The following CEP57 variants were observed in gnomAD, a reference collection of about 807,000 sequenced individuals.
CEP57 encodes centrosomal protein 57, also known as centrosomal protein of 57 kDa.
CEP57 carries 40 observed loss-of-function variants against 68.0 expected under a neutral mutation model. The observed-to-expected ratio is 0.59, with a 90% CI of 0.46 to 0.77. The LOEUF (loss-of-function observed/expected upper bound fraction) is 0.77, where lower values mean the gene tolerates loss of function less well. CEP57 is among the 30% of genes least tolerant of loss of function. CEP57 has a pLI of 0.00. For synonymous variants in CEP57, 219 were observed against 198.7 expected (o/e 1.10, Z -0.86); for missense variants, 606 against 580.7 (o/e 1.04, Z -0.45).
At chr11:95,828,145 C>T (rs899846408) in intron 9 of CEP57, 118 bp downstream of exon 9, 2 of 1,203,554 alleles carry the variant, frequency 1.7e-6, no homozygotes, top group Admixed American at 2.5e-5. Context: ...TGAGCACAAT[C>T]CTTATACCAA....
intron 2 of CEP57, among the ~76,000 whole-genome samples, chr11:95,800,396 A>G (rs1227687529): frequency 7.2e-6 from 1 of 139,174 alleles, no homozygotes; most frequent in Admixed American, 7.1e-5. Flanking sequence ...TTTTTTTTTT[A>G]TTTTTTATTG....
intron 4 of CEP57, among the ~76,000 whole-genome samples, chr11:95,816,907 A>T: frequency 6.6e-6 from 1 of 151,736 alleles, no homozygotes. Flanking sequence ...GCTACTCAGG[A>T]GGCTCAGGCA....
intron 10 of CEP57, 119 bp downstream of exon 10, chr11:95,829,450 T>C (rs1267359176): frequency 9.6e-7 from 1 of 1,046,536 alleles, no homozygotes; most frequent in African/African-American, 1.6e-5. Flanking sequence ...GAGATACTTC[T>C]TTACTGAAGA....
Position 95,817,671 on chromosome 11 carries a change from A to G in CEP57, c.505-116A>G, listed in dbSNP as rs529855523. ...CCCCCTATGGTTTCATCTTAATGTT[A>G]TTTTCCTAGAAGTAGTTATGTGAAG... On this transcript the variant is annotated intron_variant, in intron 4 of 10. Coordinates refer to ENST00000325542, the MANE Select transcript of CEP57 (RefSeq NM_014679.5). 7.0e-5 allele frequency: 52 copies of G among 740,598 alleles called. No individual in the cohort carries two copies. The African/African-American group carries it at 8.7e-4, about 12-fold the overall frequency. The allele number at this position is 740,598 out of a possible 1,614,324, so 45.9% of individuals were successfully genotyped here. A position where few individuals can be genotyped will look rare whatever the true frequency, so the allele number is the denominator to read the frequency against.
At chr11:95,798,171 T>C (rs1396078588) in intron 1 of CEP57, among the ~76,000 whole-genome samples, 1 of 152,218 alleles carries the variant, frequency 6.6e-6, no homozygotes, top group Non-Finnish European at 1.5e-5. Flanking sequence ...CCTAAGCTCT[T>C]TGTCCCCACT....
intron 5 of CEP57, 96 bp downstream of exon 5, chr11:95,817,999 G>A: frequency 3.9e-6 from 3 of 774,170 alleles, no homozygotes; most frequent in East Asian, 2.5e-5. Flanking sequence ...AGCATTAAAA[G>A]TGATCTTATA....
At chr11:95,813,437 G>T in intron 3 of CEP57, 31 bp from the exon 4 acceptor site, 1 of 1,606,038 alleles carries the variant, frequency 6.2e-7, no homozygotes, top group South Asian at 1.1e-5. Context: ...TGGGTGAGTT[G>T]ATTTCTGCTT....
chr11:95,792,708 A>G (rs568824153), intron 1 of CEP57, among the ~76,000 whole-genome samples: 3 of 152,320 alleles, frequency 2.0e-5, no homozygotes, highest in East Asian at 3.9e-4. Context: ...TCCACAAATC[A>G]AAGTATAACA....
At chr11:95,826,553 C>T (rs1862750936) in intron 8 of CEP57, 1 of 151,994 alleles carries the variant, frequency 6.6e-6, no homozygotes, top group Admixed American at 6.6e-5. Context: ...CACACATTTA[C>T]CTATATAACA....
At chr11:95,824,253 T>C (rs953872787) in intron 8 of CEP57, among the ~76,000 whole-genome samples, 2 of 151,890 alleles carry the variant, frequency 1.3e-5, no homozygotes, top group Non-Finnish European at 2.9e-5. Context: ...TTAAAAAATT[T>C]TTTTTAAAAA....
rs1862135682 is a variant in CEP57 at position 95,813,021 on chromosome 11, T to C, written c.292T>C (p.Ser98Pro). The change falls in exon 3 of 11, where the codon TCT (serine) becomes CCT (proline). Residue 98 changes from serine (S) to proline (P), a missense_variant. By Grantham distance (74) the Ser-to-Pro change is moderately conservative. Transcript: ENST00000325542. ...GGCAGAAGAAAGTGTGAAAACCTTGTCTAGAGAAACAATTGAATATAAGAA... is the reference window on the plus strand; with the variant it reads ...GGCAGAAGAAAGTGTGAAAACCTTGCCTAGAGAAACAATTGAATATAAGAA... ...IQAEESVKTL[S>P]RETIEYKKVL... is the part of the protein sequence containing the mutation. 6.2e-7 allele frequency: 1 copy of C among 1,613,942 alleles called. No individual in the cohort carries two copies. The highest frequency in any genetic ancestry group is 1.7e-5 in the Admixed American group (1 of 60,020).
intron 1 of CEP57, chr11:95,794,253 A>G (rs1161934892): frequency 2.2e-6 from 1 of 455,762 alleles, no homozygotes; most frequent in Non-Finnish European, 4.4e-6. Flanking sequence ...ACAGCTCAGT[A>G]GTGGGTCATG....
chr11:95,827,853 G>A lies in CEP57; in HGVS notation c.953G>A (p.Ser318Asn). 4 of 1,614,106 alleles carry A rather than the reference G, an allele frequency of 2.5e-6. No individual in the cohort carries two copies. The highest frequency in any genetic ancestry group is 3.4e-6 in the Non-Finnish European group (4 of 1,180,010). ...GTCTTGCATCTAATGAAGCAACACA[G>A]TAAAGCTTTGTGCAATGATCGAGTC... ...QLVLHLMKQH[S>N]KALCNDRVIN... Residue 318 changes from serine to asparagine, a missense_variant, in exon 9 of 11, where the codon AGT (serine) becomes AAT (asparagine). Transcript: ENST00000325542.
At chr11:95,797,687 C>T (rs1424026898) in intron 1 of CEP57, among the ~76,000 whole-genome samples, 2 of 152,014 alleles carry the variant, frequency 1.3e-5, no homozygotes, top group African/African-American at 4.8e-5. Context: ...ACAGGGCATA[C>T]AGATAATAAA....
At chr11:95,801,525 A>G (rs2135269598) in intron 2 of CEP57, among the ~76,000 whole-genome samples, 1 of 152,258 alleles carries the variant, frequency 6.6e-6, no homozygotes, top group South Asian at 2.1e-4. Context: ...TTATTCAAAA[A>G]TAAGCACAAA....
chr11:95,806,809 A>G (rs1861822121), intron 2 of CEP57, among the ~76,000 whole-genome samples: 1 of 152,238 alleles, frequency 6.6e-6, no homozygotes, highest in Admixed American at 6.5e-5. Flanking sequence ...ATAGCTGAAC[A>G]AAAGGCAGCA....
chr11:95,809,115 T>C (rs1159608386), intron 2 of CEP57, among the ~76,000 whole-genome samples: 1 of 152,016 alleles, frequency 6.6e-6, no homozygotes, highest in Non-Finnish European at 1.5e-5. Flanking sequence ...GGGTGAATAA[T>C]GAAATGAAGG....
intron 9 of CEP57, 84 bp downstream of exon 9, chr11:95,828,111 T>C: frequency 1.3e-6 from 2 of 1,487,112 alleles, no homozygotes; most frequent in East Asian, 4.9e-5. Flanking sequence ...TAAATCTTAC[T>C]TTCCTTTGTT....
chr11:95,815,728 C>G (rs1472279118), intron 4 of CEP57, among the ~76,000 whole-genome samples: 1 of 152,132 alleles, frequency 6.6e-6, no homozygotes, highest in African/African-American at 2.4e-5. Context: ...CCAGACAGAT[C>G]ACTTGAGTGC....
Sources: allele counts gnomAD v4.1 joint callset (sites outside exome capture counted in the v4.1 genomes callset), GRCh38; gene constraint gnomAD v4.1.1; transcripts MANE v1.5; gene names NCBI Gene and HGNC (gene_info 2026-07-23, HGNC 2026-07-21).